Variants in TFCP2L1 observed in about 807,000 individuals in gnomAD.
The protein encoded by TFCP2L1 is transcription factor CP2 like 1.
A neutral mutation model predicts 72.2 loss-of-function variants in TFCP2L1; 12 were observed. That is an observed-to-expected ratio of 0.17 (90% CI 0.11 to 0.27). TFCP2L1 has a LOEUF of 0.27. TFCP2L1 is among the 10% of genes least tolerant of loss of function. The pLI is 1.00. For synonymous variants in TFCP2L1, 260 were observed against 251.0 expected (o/e 1.04, Z -0.34); for missense variants, 488 against 624.6 (o/e 0.78, Z 2.33).
chr2:121,274,973 T>C (rs1687116256), intron 2 of TFCP2L1, among the ~76,000 whole-genome samples: 1 of 151,784 alleles, frequency 6.6e-6, no homozygotes, highest in Admixed American at 6.6e-5. Context: ...AATACATGGC[T>C]CAGCCCTATA....
intron 5 of TFCP2L1, among the ~76,000 whole-genome samples, 163 bp downstream of exon 5, chr2:121,248,001 G>A (rs1259551427): frequency 6.6e-6 from 1 of 152,146 alleles, no homozygotes; most frequent in East Asian, 1.9e-4. Flanking sequence ...TGAGCTCTGT[G>A]ACTCTTTGCA....
chr2:121,225,635 A>G (rs1368263187), intron 13 of TFCP2L1, 22 bp from the exon 14 acceptor site: 2 of 1,613,722 alleles, frequency 1.2e-6, no homozygotes, highest in Non-Finnish European at 1.7e-6. Flanking sequence ...AAGAGAGAAC[A>G]TGTTCCTTCA....
intron 2 of TFCP2L1, among the ~76,000 whole-genome samples, chr2:121,262,625 A>G (rs916187626): frequency 3.3e-5 from 5 of 152,206 alleles, no homozygotes; most frequent in Non-Finnish European, 5.9e-5. Context: ...TAGTGGGAGA[A>G]CTGGTAAAAT....
intron 5 of TFCP2L1, 58 bp from the exon 6 acceptor site, chr2:121,247,028 T>TC (rs1183294738): frequency 4.4e-6 from 7 of 1,598,562 alleles, no homozygotes; most frequent in Non-Finnish European, 6.0e-6. Flanking sequence ...TGCCCCTGGA[T>TC]CCCCCAAGCG....
intron 1 of TFCP2L1, 83 bp downstream of exon 1, chr2:121,284,965 C>T: frequency 1.6e-6 from 2 of 1,243,060 alleles, no homozygotes; most frequent in East Asian, 6.6e-5. Context: ...AGCAGGGGCG[C>T]CCCCTCTCCG....
At chr2:121,270,290 T>G (rs540610347) in intron 2 of TFCP2L1, among the ~76,000 whole-genome samples, 20 of 152,244 alleles carry the variant, frequency 1.3e-4, no homozygotes, top group African/African-American at 4.6e-4. Flanking sequence ...GATGACCAAG[T>G]CTCTGCCCTC....
At chr2:121,263,961 AG>A (rs1686880110) in intron 2 of TFCP2L1, among the ~76,000 whole-genome samples, 1 of 152,246 alleles carries the variant, frequency 6.6e-6, no homozygotes, top group Admixed American at 6.5e-5. Context: ...TGAAGAAAAA[AG>A]AAAAAAAGCC....
chr2:121,226,951 C>T (rs1318495529), intron 13 of TFCP2L1, among the ~76,000 whole-genome samples: 5 of 152,170 alleles, frequency 3.3e-5, no homozygotes, highest in Non-Finnish European at 5.9e-5. Flanking sequence ...AGCGCAGCAC[C>T]GTCTGCAGTA....
intron 6 of TFCP2L1, among the ~76,000 whole-genome samples, chr2:121,242,890 C>T (rs772871492): frequency 6.6e-6 from 1 of 152,186 alleles, no homozygotes; most frequent in Non-Finnish European, 1.5e-5. Flanking sequence ...TCAGGACTCC[C>T]GCTAAGCCCC....
At chr2:121,239,761 G>T in intron 7 of TFCP2L1, 112 bp from the exon 8 acceptor site, 1 of 1,065,960 alleles carries the variant, frequency 9.4e-7, no homozygotes. Context: ...CCCCACCTGT[G>T]AAACGCAGCC....
intron 4 of TFCP2L1, among the ~76,000 whole-genome samples, chr2:121,248,557 A>G (rs1422010409): frequency 1.3e-5 from 2 of 152,088 alleles, no homozygotes; most frequent in African/African-American, 4.8e-5. Flanking sequence ...CACACATCGT[A>G]TTGTCATTCT....
intron 5 of TFCP2L1, 71 bp from the exon 6 acceptor site, chr2:121,247,041 C>T: frequency 1.9e-6 from 3 of 1,573,966 alleles, no homozygotes; most frequent in Non-Finnish European, 2.6e-6. Flanking sequence ...CCCAAGCGCC[C>T]CCTCTATTGG....
In TFCP2L1 at chr2:121,221,661, C is replaced by T; in HGVS notation, c.*2680G>A. On this transcript the variant is annotated 3_prime_UTR_variant, in exon 15 of 15. Coordinates refer to ENST00000263707, the MANE Select transcript of TFCP2L1 (RefSeq NM_014553.3). The stretch of plus-strand genomic sequence containing the variant: ...TAAAAGTATAGTTCTTAGAAGAAAA[C>T]ACAGGCATTAATCTTCTTGACCTTG... 6.6e-6 allele frequency: 1 copy of T among 151,868 alleles called. No individual in the cohort carries two copies. Among genetic ancestry groups the T allele is most frequent in the East Asian group, 1.9e-4 (1 of 5,180 alleles). 9.4% of individuals were successfully genotyped at this position (151,868 alleles called of 1,614,324 possible). A position where few individuals can be genotyped will look rare whatever the true frequency, so the allele number is the denominator to read the frequency against.
At chr2:121,229,331 G>C (rs1339262191) in intron 13 of TFCP2L1, among the ~76,000 whole-genome samples, 2 of 152,176 alleles carry the variant, frequency 1.3e-5, no homozygotes, top group Non-Finnish European at 2.9e-5. Flanking sequence ...CAGGAGAAAA[G>C]AAGGGGGAGG....
At chr2:121,267,450 ATAAT>A (rs1686953211) in intron 2 of TFCP2L1, among the ~76,000 whole-genome samples, 1 of 152,242 alleles carries the variant, frequency 6.6e-6, no homozygotes, top group Non-Finnish European at 1.5e-5. Flanking sequence ...TACTTAAAAC[ATAAT>A]TAAAGTTTGA....
At chr2:121,225,507 G>A in intron 14 of TFCP2L1, 55 bp downstream of exon 14, 3 of 1,567,974 alleles carry the variant, frequency 1.9e-6, no homozygotes, top group Admixed American at 1.7e-5. Context: ...CTGCAGGCAG[G>A]CCCCACCCTC....
At chr2:121,273,997 G>C (rs894364051) in intron 2 of TFCP2L1, among the ~76,000 whole-genome samples, 2 of 151,660 alleles carry the variant, frequency 1.3e-5, no homozygotes, top group East Asian at 3.9e-4. Context: ...GGGAGGCTGA[G>C]GCAGGAGAAT....
At chr2:121,281,015 C>T in intron 2 of TFCP2L1, 105 bp downstream of exon 2, 1 of 1,496,522 alleles carries the variant, frequency 6.7e-7, no homozygotes, top group Non-Finnish European at 9.1e-7. Flanking sequence ...CCGACCTCGC[C>T]CGACCTCACC....
In TFCP2L1 at chr2:121,262,767, A is replaced by G. The variant is rs181163213; in HGVS notation, c.215-13120T>C. Among the ~76,000 whole-genome samples, 175 of 152,346 alleles carry G rather than the reference A, an allele frequency of 1.1e-3. 2 individuals are homozygous for G. Among genetic ancestry groups the G allele is most frequent in the African/African-American group, 3.0e-3 (125 of 41,584 alleles). ...CAGGGTACCCAGAAGTCTCACTACT[A>G]TCTTTGACACCTTTATGTCTAAATT... is the stretch of plus-strand genomic sequence containing the variant. On this transcript the variant is annotated intron_variant, in intron 2 of 14. Transcript: ENST00000263707.
Sources: gnomAD v4.1 joint callset for allele counts (sites outside exome capture counted in the v4.1 genomes callset) on GRCh38, gnomAD v4.1.1 for gene constraint, MANE v1.5 for transcripts, NCBI Gene and HGNC (gene_info 2026-07-23, HGNC 2026-07-21) for gene names.